The following RNF17 variants were observed in gnomAD, a reference collection of about 807,000 sequenced individuals.
The protein encoded by RNF17 is spermatogenesis associated 23.
A neutral mutation model predicts 200.5 loss-of-function variants in RNF17; 31 were observed. The observed-to-expected ratio is 0.15, with a 90% CI of 0.12 to 0.21. RNF17 has a LOEUF of 0.21. RNF17 is among the 10% of genes least tolerant of loss of function. RNF17 has a pLI of 1.00. For missense variants in RNF17, 1,628 were observed against 1,905.1 expected, an observed-to-expected ratio of 0.85 and a Z score of 2.71; for synonymous variants, 606 against 637.8, an observed-to-expected ratio of 0.95 and a Z score of 0.75.
chr13:24,822,670 T>C (rs1381429349), intron 15 of RNF17, among the ~76,000 whole-genome samples: 5 of 152,176 alleles, frequency 3.3e-5, no homozygotes, highest in Non-Finnish European at 7.4e-5. Flanking sequence ...ATCCACCCGC[T>C]TGGCCTCCCA....
chr13:24,759,706 GA>G (rs925936287), upstream of RNF17, among the ~76,000 whole-genome samples: 3 of 151,800 alleles, frequency 2.0e-5, no homozygotes, highest in African/African-American at 7.3e-5. Flanking sequence ...AGCAAAGAAA[GA>G]AAAAAAGGAA....
At chr13:24,869,858 C>G (rs937750110) in intron 31 of RNF17, among the ~76,000 whole-genome samples, 1 of 152,002 alleles carries the variant, frequency 6.6e-6, no homozygotes, top group African/African-American at 2.4e-5. Flanking sequence ...GCCTTAACTT[C>G]CCAGGCTCAA....
In RNF17 at chr13:24,844,768, A is replaced by G; in HGVS notation, c.2948A>G (p.Gln983Arg). 2 of 1,613,956 alleles carry G rather than the reference A, an allele frequency of 1.2e-6. No individual in the cohort carries two copies. The highest frequency in any genetic ancestry group is 1.7e-6 in the Non-Finnish European group (2 of 1,179,876). The change falls in exon 21 of 36, where the codon CAG becomes CGG. Residue 983 changes from glutamine (Q) to arginine (R), a missense_variant. Gln to Arg is a conservative substitution (Grantham distance 43). Around this residue, in one of 5 missense-constraint regions of RNF17, gnomAD observed 227 missense variants for 319.8 expected, o/e 0.71. Transcript: ENST00000255324. ...GATAAAAATCAGTGGCGAAGAGGCCAGATCATCAGAATGGTTACAGACACA... is the reference window on the plus strand; with the variant it reads ...GATAAAAATCAGTGGCGAAGAGGCCGGATCATCAGAATGGTTACAGACACA... ...IQDKNQWRRG[Q>R]IIRMVTDTLV...
chr13:24,804,412 G>A lies in RNF17; in HGVS notation c.2074G>A (p.Asp692Asn), dbSNP rs1323076971. ...VTVCHINSPGDFYLQLIEGLD... is the reference protein window; with the variant it reads ...VTVCHINSPGNFYLQLIEGLD... Reference sequence around the variant, plus strand: ...GGTTTGTCATATAAATAGTCCTGGAGATTTCTATCTTCAGTTGGTAAGTAT... The same window carrying A: ...GGTTTGTCATATAAATAGTCCTGGAAATTTCTATCTTCAGTTGGTAAGTAT... Residue 692 changes from aspartate (D) to asparagine (N), a missense_variant, in exon 15 of 36, where the codon GAT becomes AAT. By Grantham distance (23) the Asp-to-Asn change is conservative. Coordinates refer to ENST00000255324, the MANE Select transcript of RNF17 (RefSeq NM_031277.3). 3 of 1,611,160 alleles carry A rather than the reference G, an allele frequency of 1.9e-6. No individual in the cohort carries two copies. Among genetic ancestry groups the A allele is most frequent in the South Asian group, 1.1e-5 (1 of 90,572 alleles).
chr13:24,871,140 TTC>T (rs1397553289), intron 32 of RNF17, among the ~76,000 whole-genome samples: 1 of 152,242 alleles, frequency 6.6e-6, no homozygotes, highest in East Asian at 1.9e-4. Flanking sequence ...GTATGACCTG[TTC>T]TGTCAAGACA....
intron 2 of RNF17, among the ~76,000 whole-genome samples, chr13:24,770,759 C>G (rs1462533297): frequency 1.3e-5 from 2 of 152,162 alleles, no homozygotes; most frequent in African/African-American, 2.4e-5. Context: ...TGCTTTGTTT[C>G]TTTTAGCAAC....
intron 30 of RNF17, among the ~76,000 whole-genome samples, chr13:24,868,049 C>CATTAT (rs1410768919): frequency 1.3e-5 from 2 of 152,020 alleles, no homozygotes; most frequent in East Asian, 3.9e-4. Flanking sequence ...CATCAATAAA[C>CATTAT]ATTCATGCAT....
Position 24,844,656 on chromosome 13 carries a change from G to A in RNF17, c.2836G>A (p.Glu946Lys). Reference sequence around the variant, plus strand: ...AAATATTTTTTATCTCTATAGTTTAGAAGAAAAGATGATAGCTGCTTATGA... The same window carrying A: ...AAATATTTTTTATCTCTATAGTTTAAAAGAAAAGATGATAGCTGCTTATGA... Reference protein sequence around the residue: ...LLTENLLNSLEEKMIAAYENS... With the variant: ...LLTENLLNSLKEKMIAAYENS... The change falls in exon 21 of 36, where the codon GAA (glutamate) becomes AAA (lysine). Residue 946 changes from glutamate (E) to lysine (K), a missense_variant. By Grantham distance (56) the Glu-to-Lys change is moderately conservative. Around this residue, in one of 5 missense-constraint regions of RNF17, gnomAD observed 227 missense variants for 319.8 expected, o/e 0.71. Coordinates refer to ENST00000255324, the MANE Select transcript of RNF17 (RefSeq NM_031277.3). 2 of 1,587,968 alleles carry A rather than the reference G, an allele frequency of 1.3e-6. No individual in the cohort carries two copies. Among genetic ancestry groups the A allele is most frequent in the Non-Finnish European group, 1.7e-6 (2 of 1,159,568 alleles).
At chr13:24,813,818 T>C (rs1887058048) in intron 15 of RNF17, among the ~76,000 whole-genome samples, 2 of 83,788 alleles carry the variant, frequency 2.4e-5, no homozygotes, top group African/African-American at 1.2e-4. Flanking sequence ...TTTTTTTTTT[T>C]TTTTTTTTTT....
Position 24,801,427 on chromosome 13 carries a change from C to T in RNF17, c.1758+893C>T, listed in dbSNP as rs558972446. Among the ~76,000 whole-genome samples the T allele has an allele frequency of 6.6e-5, 10 of 152,148 alleles. 1 individual carries two copies. The Middle Eastern group carries it at 0.024, about 362-fold the overall frequency. ...GGAGGCCGAGATGGGAGGACCGCTTCGGCTCAGGAGTTTGAGACCAGCCTG... is the reference window on the plus strand; with the variant it reads ...GGAGGCCGAGATGGGAGGACCGCTTTGGCTCAGGAGTTTGAGACCAGCCTG... On this transcript the variant is annotated intron_variant, in intron 13 of 35. Transcript: ENST00000255324.
chr13:24,776,038 A>G lies in RNF17; in HGVS notation c.317+1134A>G, dbSNP rs1230431949. On this transcript the variant is annotated intron_variant, in intron 3 of 35. Coordinates refer to ENST00000255324, the MANE Select transcript of RNF17 (RefSeq NM_031277.3). ...TCTAAGCATATTTAATATGGTAAGT[A>G]GACTATGCAAGAAATAAAAAATAGG... 2.6e-5 allele frequency among the ~76,000 whole-genome samples: 4 copies of G among 152,230 alleles called. No homozygotes were observed. The East Asian group carries it at 5.8e-4, about 22-fold the overall frequency.
chr13:24,764,397 A>C, intron 1 of RNF17, 64 bp downstream of exon 1: 3 of 1,500,282 alleles, frequency 2.0e-6, no homozygotes, highest in Non-Finnish European at 2.7e-6. Context: ...GGGCCAGGTG[A>C]GCTGGTGGGC....
chr13:24,883,211 T>A, downstream of RNF17: 1 of 1,614,104 alleles, frequency 6.2e-7, no homozygotes, highest in Non-Finnish European at 8.5e-7. Context: ...ATTACCCTCC[T>A]TGTCCTTAAC....
intron 19 of RNF17, among the ~76,000 whole-genome samples, chr13:24,842,409 G>C (rs1890733147): frequency 6.6e-6 from 1 of 152,184 alleles, no homozygotes; most frequent in Admixed American, 6.5e-5. Context: ...GTGCTTCTAA[G>C]GAAAGGAGAC....
chr13:24,829,752 C>T (rs777864592), intron 16 of RNF17, among the ~76,000 whole-genome samples: 19 of 152,116 alleles, frequency 1.2e-4, no homozygotes, highest in Admixed American at 2.6e-4. Flanking sequence ...GTGTGTGATA[C>T]GTCTTTTTTA....
chr13:24,790,164 C>G (rs1406768791), intron 9 of RNF17, among the ~76,000 whole-genome samples: 3 of 152,084 alleles, frequency 2.0e-5, no homozygotes, highest in Non-Finnish European at 4.4e-5. Flanking sequence ...TCAGTTCTTA[C>G]TGGGGTAACA....
Position 24,877,161 on chromosome 13 carries a change from G to T in RNF17, c.4748G>T (p.Gly1583Val). 6.2e-7 allele frequency: 1 copy of T among 1,612,966 alleles called. No homozygotes were observed. Among genetic ancestry groups the T allele is most frequent in the Non-Finnish European group, 8.5e-7 (1 of 1,179,580 alleles). Residue 1583 changes from glycine (G) to valine (V), a missense_variant, in exon 34 of 36, where the codon GGA becomes GTA. Transcript: ENST00000255324. ...ALWAMIDCLQ[G>V]KQLYAVSMAP... ...TGGGCTATGATAGACTGTCTTCAAG[G>T]AAAACAACTCTATGCTGTGTCCATG... is the stretch of plus-strand genomic sequence containing the variant.
At chr13:24,794,968 C>G (rs1340682603) in intron 10 of RNF17, among the ~76,000 whole-genome samples, 2 of 152,204 alleles carry the variant, frequency 1.3e-5, no homozygotes, top group Non-Finnish European at 2.9e-5. Flanking sequence ...ATCCTCCCTC[C>G]TTGGCCTCCC....
At chr13:24,826,659 G>A (rs1888671390) in intron 16 of RNF17, among the ~76,000 whole-genome samples, 1 of 152,080 alleles carries the variant, frequency 6.6e-6, no homozygotes. Flanking sequence ...TGTAAGCCCA[G>A]CTATTCAGGA....
Sources: gnomAD v4.1 joint callset for allele counts (sites outside exome capture counted in the v4.1 genomes callset) on GRCh38, gnomAD v4.1.1 for gene constraint, gnomAD v4.1.1 regional missense constraint, MANE v1.5 for transcripts, NCBI Gene and HGNC (gene_info 2026-07-23, HGNC 2026-07-21) for gene names.